Variants in TUBB6 observed in about 807,000 individuals in gnomAD.
The protein encoded by TUBB6 is tubulin beta 6 class V.
TUBB6 carries 18 observed loss-of-function variants against 32.3 expected under a neutral mutation model. The ratio of observed to expected loss-of-function variants is 0.56; its 90% confidence interval spans 0.39 to 0.83. TUBB6 has a LOEUF of 0.83. Ranked by LOEUF, TUBB6 falls within the 40% of genes least tolerant of loss-of-function variation. TUBB6 has a pLI of 0.00. For missense variants in TUBB6, 480 were observed against 632.0 expected (o/e 0.76, Z 2.58); for synonymous variants, 280 against 265.8 (o/e 1.05, Z -0.52).
chr18:12,319,770 A>G (rs1906881769), intron 3 of TUBB6, among the ~76,000 whole-genome samples: 1 of 152,058 alleles, frequency 6.6e-6, no homozygotes, highest in Non-Finnish European at 1.5e-5. Context: ...CATGGACAAC[A>G]TAAGGGGACC....
chr18:12,313,117 G>A (rs57193559), intron 3 of TUBB6, among the ~76,000 whole-genome samples: 1 of 150,238 alleles, frequency 6.7e-6, no homozygotes, highest in African/African-American at 2.4e-5. Flanking sequence ...TTATCTACCA[G>A]AAACCCATAG....
At chr18:12,308,208 G>T, upstream of TUBB6, 1 of 1,014,300 alleles carries the variant, frequency 9.9e-7, no homozygotes, top group Non-Finnish European at 1.2e-6. Flanking sequence ...GGGGCGCGGA[G>T]GGTCGGCCCC....
chr18:12,310,989 C>A lies in TUBB6; in HGVS notation c.213C>A (p.Gly71=). The change falls in exon 3 of 4, where the codon GGC becomes GGA. Residue 71 remains glycine (G), a synonymous_variant. Transcript: ENST00000317702. ...PRAALVDLEP[G]TMDSVRSGPF... ...CCGCCCTGGTGGACTTAGAGCCAGG[C>A]ACCATGGACAGCGTGCGGTCTGGGC... 6.2e-7 allele frequency: 1 copy of A among 1,613,828 alleles called. No individual in the cohort carries two copies. The highest frequency in any genetic ancestry group is 1.1e-5 in the South Asian group (1 of 91,058).
In TUBB6 at chr18:12,325,592, C is replaced by A; in HGVS notation, c.803C>A (p.Pro268His). The change falls in exon 4 of 4, where the codon CCT becomes CAT. Residue 268 changes from proline (P) to histidine (H), a missense_variant. Transcript: ENST00000317702. ...VPFPRLHFFMPGFAPLTSRGS... is the reference protein window; with the variant it reads ...VPFPRLHFFMHGFAPLTSRGS... Reference sequence around the variant, plus strand: ...TTCCCGCGCCTGCACTTCTTCATGCCTGGCTTCGCGCCGCTCACCAGCCGC... The same window carrying A: ...TTCCCGCGCCTGCACTTCTTCATGCATGGCTTCGCGCCGCTCACCAGCCGC... The A allele has an allele frequency of 6.2e-7, 1 of 1,613,956 alleles. No individual in the cohort carries two copies. The highest frequency in any genetic ancestry group is 1.1e-5 in the South Asian group (1 of 91,080).
At chr18:12,329,742 A>G, downstream of TUBB6, 1 of 1,614,228 alleles carries the variant, frequency 6.2e-7, no homozygotes, top group Non-Finnish European at 8.5e-7. Context: ...CAACCATATC[A>G]TTCTTATCTA....
intron 1 of TUBB6, 68 bp downstream of exon 1, chr18:12,308,417 GACCCC>G: frequency 8.2e-7 from 1 of 1,212,944 alleles, no homozygotes; most frequent in Non-Finnish European, 1.0e-6. Flanking sequence ...CTCCCGGCGC[GACCCC>G]CGCCGGGGCG....
At chr18:12,311,165 A>C in intron 3 of TUBB6, 112 bp downstream of exon 3, 1 of 925,492 alleles carries the variant, frequency 1.1e-6, no homozygotes, top group Non-Finnish European at 1.6e-6. Flanking sequence ...AATGGAAATC[A>C]GTGGTTCCCA....
rs188626653 is a variant in TUBB6, at chr18:12,324,766, T to A, written c.278-301T>A. ...GCGCCCGGCCAGTAACTTATTTTTT[T>A]AATGTATACCTTTTGTTCCCTTTGA... On this transcript the variant is annotated intron_variant, in intron 3 of 3. Transcript: ENST00000317702. 1.3e-3 allele frequency: 1,591 copies of A among 1,263,902 alleles called. 18 individuals are homozygous for A. Among genetic ancestry groups the A allele is most frequent in the Non-Finnish European group, 6.8e-4 (685 of 1,006,972 alleles). 78.3% of individuals were successfully genotyped at this position (1,263,902 alleles called of 1,614,324 possible). A position where few individuals can be genotyped will look rare whatever the true frequency, so the allele number is the denominator to read the frequency against.
At chr18:12,312,488 G>A (rs900475642) in intron 3 of TUBB6, among the ~76,000 whole-genome samples, 2 of 152,050 alleles carry the variant, frequency 1.3e-5, no homozygotes, top group Admixed American at 1.3e-4. Context: ...TCACAAGTGG[G>A]ACTGTCTACC....
At position 12,326,315 on chromosome 18, in the gene TUBB6, C is replaced by T. The variant is rs1036177375; in HGVS notation, c.*185C>T. 1.2e-4 allele frequency: 106 copies of T among 900,788 alleles called. No individual in the cohort carries two copies. The highest frequency in any genetic ancestry group is 1.5e-4 in the Non-Finnish European group (94 of 619,238). 55.8% of individuals were successfully genotyped at this position (900,788 alleles called of 1,614,324 possible). ...AAAGACTAAAAACAGCAGAGAATTG[C>T]GGGTTCTACCCAGTCAGAAGATCAC... On this transcript the variant is annotated 3_prime_UTR_variant, in exon 4 of 4. Transcript: ENST00000317702.
intron 3 of TUBB6, 136 bp downstream of exon 3, chr18:12,311,189 C>A: frequency 1.4e-6 from 1 of 736,000 alleles, no homozygotes; most frequent in Non-Finnish European, 2.2e-6. Flanking sequence ...CCACCCCTCC[C>A]ATCCCTAGCT....
Position 12,308,716 on chromosome 18 carries a change from C to T in TUBB6, c.87C>T (p.Gly29=), listed in dbSNP as rs376972319. The T allele has an allele frequency of 1.9e-6, 3 of 1,612,868 alleles. No individual in the cohort carries two copies. The highest frequency in any genetic ancestry group is 1.3e-5 in the African/African-American group (1 of 74,896). ...KFWEVISDEH[G]IDPAGGYVGD... ...GGGAAGTGATCAGCGATGAGCACGG[C>T]ATCGACCCGGCCGGAGGCTACGTGG... Residue 29 remains glycine, a synonymous_variant, in exon 2 of 4, where the codon GGC becomes GGT. Transcript: ENST00000317702.
chr18:12,326,272 T>G lies in TUBB6; in HGVS notation c.*142T>G. On this transcript the variant is annotated 3_prime_UTR_variant, in exon 4 of 4. Coordinates refer to ENST00000317702, the MANE Select transcript of TUBB6 (RefSeq NM_032525.3). ...CCCTCACAAATGCAGCCAAGTCATG[T>G]AATTAGTCATCTGGAACAAAGACTA... 8.0e-7 allele frequency: 1 copy of G among 1,254,202 alleles called. No individual in the cohort carries two copies. The highest frequency in any genetic ancestry group is 1.1e-6 in the Non-Finnish European group (1 of 933,174). 77.7% of individuals were successfully genotyped at this position (1,254,202 alleles called of 1,614,324 possible). A position where few individuals can be genotyped will look rare whatever the true frequency, so the allele number is the denominator to read the frequency against.
intron 3 of TUBB6, among the ~76,000 whole-genome samples, chr18:12,316,198 G>A (rs1182048512): frequency 1.3e-5 from 2 of 152,254 alleles, no homozygotes; most frequent in Non-Finnish European, 2.9e-5. Context: ...TATGACATGA[G>A]TGCATCACAA....
At chr18:12,308,195 G>GCGGGGGCGCGGAGGGTCGGCC, upstream of TUBB6, 1 of 831,774 alleles carries the variant, frequency 1.2e-6, no homozygotes, top group Non-Finnish European at 1.5e-6. Context: ...CGGGGCGGGG[G>GCGGGGGCGCGGAGGGTCGGCC]CGGGGGCGCG....
intron 2 of TUBB6, 63 bp from the exon 3 acceptor site, chr18:12,310,880 G>A (rs561004316): frequency 1.1e-4 from 125 of 1,175,532 alleles, no homozygotes; most frequent in Non-Finnish European, 1.2e-4. Flanking sequence ...GACTTGAAAC[G>A]GGGAAGTCAA....
In TUBB6 at chr18:12,325,886, C is replaced by T; in HGVS notation, c.1097C>T (p.Thr366Ile). 2 of 1,614,148 alleles carry T rather than the reference C, an allele frequency of 1.2e-6. No homozygotes were observed. Among genetic ancestry groups the T allele is most frequent in the South Asian group, 1.1e-5 (1 of 91,088 alleles). Residue 366 changes from threonine (T) to isoleucine (I), a missense_variant, in exon 4 of 4, where the codon ACC (threonine) becomes ATC (isoleucine). By Grantham distance (89) the Thr-to-Ile change is moderately conservative. Transcript: ENST00000317702. ...IPPRGLKMAS[T>I]FIGNSTAIQE... ...CCCCGCGGCCTGAAGATGGCCTCCA[C>T]CTTCATCGGCAACAGCACGGCCATC...
intron 2 of TUBB6, among the ~76,000 whole-genome samples, chr18:12,309,603 C>T (rs1427968638): frequency 2.0e-5 from 3 of 152,140 alleles, no homozygotes; most frequent in Admixed American, 2.0e-4. Flanking sequence ...AGGCTGGGAA[C>T]ATCAGGGCAT....
At chr18:12,318,289 G>A (rs1906780979) in intron 3 of TUBB6, among the ~76,000 whole-genome samples, 1 of 151,368 alleles carries the variant, frequency 6.6e-6, no homozygotes, top group South Asian at 2.1e-4. Flanking sequence ...GAAGTTGGTG[G>A]GGGCTTAGGA....
Sources: allele counts gnomAD v4.1 joint callset (sites outside exome capture counted in the v4.1 genomes callset), GRCh38; gene constraint gnomAD v4.1.1; transcripts MANE v1.5; gene names NCBI Gene and HGNC (gene_info 2026-07-23, HGNC 2026-07-21).